The following RNF111 variants were observed in gnomAD, a reference collection of about 807,000 sequenced individuals.
The protein encoded by RNF111 is ring finger protein 111, also known as E3 ubiquitin-protein ligase Arkadia.
A neutral mutation model predicts 95.1 loss-of-function variants in RNF111; 17 were observed. That is an observed-to-expected ratio of 0.18 (90% CI 0.12 to 0.27). The LOEUF (loss-of-function observed/expected upper bound fraction) is 0.27, where lower values mean the gene tolerates loss of function less well. RNF111 is among the 10% of genes least tolerant of loss of function. The probability of loss-of-function intolerance (pLI) is 1.00; values close to 1 mark genes in which losing one functional copy is unlikely to be tolerated. For missense variants in RNF111, 1,189 were observed against 1,210.4 expected (o/e 0.98, Z 0.26); for synonymous variants, 440 against 414.8 (o/e 1.06, Z -0.74).
chr15:59,068,184 C>T (rs1240068883), intron 6 of RNF111, among the ~76,000 whole-genome samples: 2 of 152,072 alleles, frequency 1.3e-5, no homozygotes, highest in African/African-American at 2.4e-5. Flanking sequence ...CACGCCATTG[C>T]ACTCCAGCCT....
At chr15:58,992,987 G>T (rs2038886497) in intron 1 of RNF111, among the ~76,000 whole-genome samples, 1 of 152,012 alleles carries the variant, frequency 6.6e-6, no homozygotes, top group Admixed American at 6.6e-5. Flanking sequence ...TGCCCAACGT[G>T]GCAAAACCCT....
At chr15:59,006,535 G>T (rs553671594) in intron 1 of RNF111, among the ~76,000 whole-genome samples, 1 of 152,250 alleles carries the variant, frequency 6.6e-6, no homozygotes, top group African/African-American at 2.4e-5. Context: ...AAACAGAAAA[G>T]ATGAAAGAAT....
intron 2 of RNF111, among the ~76,000 whole-genome samples, chr15:59,034,835 A>G (rs1261622221): frequency 6.6e-6 from 1 of 152,204 alleles, no homozygotes; most frequent in Non-Finnish European, 1.5e-5. Flanking sequence ...TATTTACTAC[A>G]TGTTAATATG....
chr15:59,027,289 C>G (rs189886072), intron 1 of RNF111, among the ~76,000 whole-genome samples: 2 of 152,192 alleles, frequency 1.3e-5, no homozygotes, highest in African/African-American at 4.8e-5. Flanking sequence ...AGAACCCCAG[C>G]TGTTTCCAAC....
At chr15:59,062,814 A>T (rs2042498965) in intron 5 of RNF111, among the ~76,000 whole-genome samples, 1 of 152,128 alleles carries the variant, frequency 6.6e-6, no homozygotes. Flanking sequence ...TTATGCCAAG[A>T]TTTCTCAACC....
At chr15:59,063,848 C>CA (rs2042541774) in intron 5 of RNF111, among the ~76,000 whole-genome samples, 1 of 152,150 alleles carries the variant, frequency 6.6e-6, no homozygotes, top group South Asian at 2.1e-4. Flanking sequence ...ATTAAAGTGT[C>CA]AGAGTTGGAA....
chr15:59,041,185 C>T (rs1300011983), intron 2 of RNF111, among the ~76,000 whole-genome samples: 1 of 152,108 alleles, frequency 6.6e-6, no homozygotes, highest in Admixed American at 6.6e-5. Context: ...CATGGTTGTA[C>T]CAGTTTGTTC....
chr15:59,041,321 C>T (rs558235295), intron 2 of RNF111, among the ~76,000 whole-genome samples: 117 of 152,132 alleles, frequency 7.7e-4, no homozygotes, highest in Non-Finnish European at 6.3e-4. Context: ...TTTGGGAGGC[C>T]GAGGCGGGTG....
Position 59,045,677 on chromosome 15 carries a change from T to C in RNF111, c.881-6628T>C, listed in dbSNP as rs138737362. 1.2e-3 allele frequency among the ~76,000 whole-genome samples: 182 copies of C among 152,328 alleles called. 2 individuals are homozygous for C. In the East Asian group the frequency reaches 0.032, roughly 27 times the overall value. The stretch of plus-strand genomic sequence containing the variant: ...TGACTTGTCGTTGATACATAATGCT[T>C]TTAGTTTTAAATGTACTTTTACCAC... On this transcript the variant is annotated intron_variant, in intron 2 of 13. Transcript: ENST00000348370.
At chr15:59,058,283 T>G (rs562891106) in intron 4 of RNF111, 73 bp from the exon 5 acceptor site, 15 of 1,204,442 alleles carry the variant, frequency 1.2e-5, no homozygotes, top group Non-Finnish European at 1.7e-5. Flanking sequence ...TATAAACACA[T>G]TAGCTTACAT....
At chr15:59,010,497 G>A (rs1271525723) in intron 1 of RNF111, among the ~76,000 whole-genome samples, 2 of 152,020 alleles carry the variant, frequency 1.3e-5, no homozygotes, top group Non-Finnish European at 1.5e-5. Flanking sequence ...TGCCTCCTAG[G>A]TTTAAGCGAT....
intron 2 of RNF111, among the ~76,000 whole-genome samples, chr15:59,032,052 C>T (rs142028484): frequency 2.0e-5 from 3 of 152,204 alleles, no homozygotes; most frequent in African/African-American, 7.2e-5. Context: ...AATTCTCCTG[C>T]GTCAGCCTCC....
chr15:59,032,491 G>C (rs746482801), intron 2 of RNF111, among the ~76,000 whole-genome samples: 31 of 152,024 alleles, frequency 2.0e-4, no homozygotes, highest in Non-Finnish European at 4.3e-4. Context: ...ATGCAGTCTT[G>C]GTTCACTGCA....
chr15:59,071,108 T>C (rs1245042049), intron 6 of RNF111, among the ~76,000 whole-genome samples: 1 of 151,594 alleles, frequency 6.6e-6, no homozygotes, highest in African/African-American at 2.4e-5. Flanking sequence ...CCATCCTGGC[T>C]AACATGGTGA....
chr15:59,074,183 A>G (rs1170095156), intron 6 of RNF111, among the ~76,000 whole-genome samples: 2 of 152,218 alleles, frequency 1.3e-5, no homozygotes, highest in Admixed American at 1.3e-4. Flanking sequence ...TAGATTTAGC[A>G]TAAATCTTAA....
chr15:59,082,499 T>A (rs902436079), intron 8 of RNF111, among the ~76,000 whole-genome samples: 8 of 152,206 alleles, frequency 5.3e-5, no homozygotes, highest in African/African-American at 1.9e-4. Flanking sequence ...CTTTTTTTTC[T>A]TTTGATTATT....
chr15:59,033,928 T>A (rs1180822086), intron 2 of RNF111, among the ~76,000 whole-genome samples: 1 of 152,212 alleles, frequency 6.6e-6, no homozygotes, highest in Non-Finnish European at 1.5e-5. Flanking sequence ...TGATTTGCTT[T>A]AAACTGGTTT....
chr15:58,996,677 T>C (rs1861624222), intron 1 of RNF111, among the ~76,000 whole-genome samples: 1 of 85,560 alleles, frequency 1.2e-5, no homozygotes, highest in South Asian at 4.3e-4. Context: ...TTTTTTTTTT[T>C]TACCCAGGCA....
rs187234263 is a variant in RNF111 at position 59,007,989 on chromosome 15, C to T, written c.-20+19921C>T. Among the ~76,000 whole-genome samples the T allele has an allele frequency of 5.0e-4, 76 of 152,192 alleles. 1 individual carries two copies. The East Asian group carries it at 0.013, about 26-fold the overall frequency. On this transcript the variant is annotated intron_variant, in intron 1 of 13. Transcript: ENST00000348370. ...TTTTCTTAATGCTGTCTCTGAAGAG[C>T]GGAGGTTTTGATTTTGATAAAGTCA...
Sources: allele counts gnomAD v4.1 joint callset (sites outside exome capture counted in the v4.1 genomes callset), GRCh38; gene constraint gnomAD v4.1.1; transcripts MANE v1.5; gene names NCBI Gene and HGNC (gene_info 2026-07-23, HGNC 2026-07-21).